Variants in MYO9A observed in about 807,000 individuals in gnomAD.
MYO9A encodes unconventional myosin-IXa.
Under a neutral mutation model 293.3 loss-of-function variants are expected in MYO9A, and 103 were observed. The ratio of observed to expected loss-of-function variants is 0.35; its 90% confidence interval spans 0.30 to 0.41. The LOEUF (loss-of-function observed/expected upper bound fraction) is 0.41. Ranked by LOEUF, MYO9A falls within the 10% of genes least tolerant of loss-of-function variation. The pLI is 1.00. For synonymous variants in MYO9A, 1,001 were observed against 1,035.7 expected, an observed-to-expected ratio of 0.97 and a Z score of 0.64; for missense variants, 2,685 against 3,033.0, an observed-to-expected ratio of 0.89 and a Z score of 2.69.
intron 1 of MYO9A, among the ~76,000 whole-genome samples, chr15:72,052,280 A>G (rs1054043354): frequency 6.6e-6 from 1 of 151,804 alleles, no homozygotes; most frequent in African/African-American, 2.4e-5. Flanking sequence ...ACAGCTGAAC[A>G]CTCATCAGGA....
intron 1 of MYO9A, among the ~76,000 whole-genome samples, chr15:72,085,734 C>T (rs2079698339): frequency 6.6e-6 from 1 of 152,208 alleles, no homozygotes; most frequent in Non-Finnish European, 1.5e-5. Context: ...TACGCTGGTT[C>T]TTTCTCAACT....
At chr15:71,963,707 C>A (rs1299677524) in intron 13 of MYO9A, among the ~76,000 whole-genome samples, 1 of 152,186 alleles carries the variant, frequency 6.6e-6, no homozygotes, top group Non-Finnish European at 1.5e-5. Context: ...CTGCCTTGGC[C>A]TCCCAAAGTG....
intron 12 of MYO9A, among the ~76,000 whole-genome samples, chr15:71,969,184 G>A (rs1374319141): frequency 6.6e-6 from 1 of 152,102 alleles, no homozygotes; most frequent in Non-Finnish European, 1.5e-5. Context: ...GCAACCGCAG[G>A]CATCCTCTAG....
intron 18 of MYO9A, among the ~76,000 whole-genome samples, chr15:71,931,107 C>A (rs965290074): frequency 6.6e-6 from 1 of 152,208 alleles, no homozygotes; most frequent in Admixed American, 6.5e-5. Context: ...TTGATTTACA[C>A]ACTGGCATCA....
intron 14 of MYO9A, among the ~76,000 whole-genome samples, chr15:71,952,752 G>A (rs999799591): frequency 6.6e-6 from 1 of 152,114 alleles, no homozygotes; most frequent in African/African-American, 2.4e-5. Context: ...TAATAATATA[G>A]AGGCAAATTA....
chr15:72,037,129 T>C (rs1336218081), intron 2 of MYO9A, among the ~76,000 whole-genome samples: 1 of 151,464 alleles, frequency 6.6e-6, no homozygotes, highest in South Asian at 2.1e-4. Context: ...TACTTGGAAA[T>C]CACTTGCTTA....
At chr15:72,006,256 T>TG (rs924988010) in intron 8 of MYO9A, among the ~76,000 whole-genome samples, 2 of 150,214 alleles carry the variant, frequency 1.3e-5, no homozygotes, top group African/African-American at 4.9e-5. Context: ...GTGTTTTTTT[T>TG]TTGTTGTTGT....
chr15:71,825,938 ACAAGATATCTGAGACACGCTC>A lies in MYO9A; in HGVS notation c.*621_*641del, dbSNP rs1364540616. On this transcript the variant is annotated 3_prime_UTR_variant, in exon 42 of 42. Coordinates refer to ENST00000356056, the MANE Select transcript of MYO9A (RefSeq NM_006901.4). ...TAGGTATTCTCTTCTTCACTGTATA[ACAAGATATCTGAGACACGCTC>A]TGATGGCTTAATGGAAACAATCACG... is the stretch of plus-strand genomic sequence containing the variant. 6.6e-6 allele frequency: 1 copy of A among 152,006 alleles called. No individual in the cohort carries two copies. Among genetic ancestry groups the A allele is most frequent in the Non-Finnish European group, 1.5e-5 (1 of 68,010 alleles). 9.4% of individuals were successfully genotyped at this position (152,006 alleles called of 1,614,324 possible).
At chr15:71,949,574 T>A (rs931257484) in intron 15 of MYO9A, among the ~76,000 whole-genome samples, 1 of 152,026 alleles carries the variant, frequency 6.6e-6, no homozygotes, top group Non-Finnish European at 1.5e-5. Context: ...GAAAATTTCC[T>A]CAGTTTTTCT....
chr15:72,007,312 G>C (rs545086763), intron 8 of MYO9A, among the ~76,000 whole-genome samples: 11 of 151,130 alleles, frequency 7.3e-5, no homozygotes, highest in Middle Eastern at 3.4e-3. Context: ...CAGGAAGAAA[G>C]AATCAGGTAA....
intron 3 of MYO9A, among the ~76,000 whole-genome samples, chr15:72,028,262 T>C (rs1218830190): frequency 6.8e-6 from 1 of 147,746 alleles, no homozygotes; most frequent in African/African-American, 2.5e-5. Context: ...TACATACTAT[T>C]ATAATTGTGG....
chr15:72,047,368 T>C (rs540143324), intron 1 of MYO9A, among the ~76,000 whole-genome samples: 54 of 152,216 alleles, frequency 3.5e-4, no homozygotes, highest in Non-Finnish European at 6.5e-4. Flanking sequence ...TACCATTATA[T>C]CTTTTTACCT....
rs757816919 is a variant in MYO9A at position 71,852,150 on chromosome 15, C to T, written c.6457G>A (p.Glu2153Lys). The change falls in exon 36 of 42, where the codon GAA becomes AAA. Residue 2153 changes from glutamate to lysine, a missense_variant. This residue lies in a region of MYO9A where 238 missense variants were observed against 269.1 expected (regional missense o/e 0.88). Transcript: ENST00000356056. ...TGCTTACCCATAGCTCGAAGAAATT[C>T]CTCATAGAGTTCAAAGGTCATGAGA... The part of the protein sequence containing the change: ...NPLMTFELYE[E>K]FLRAMGLQER... 3.7e-6 allele frequency: 6 copies of T among 1,612,292 alleles called. No individual in the cohort carries two copies. The South Asian group carries it at 6.6e-5, about 18-fold the overall frequency.
chr15:72,103,149 T>C (rs1445428967), intron 1 of MYO9A, among the ~76,000 whole-genome samples: 3 of 146,218 alleles, frequency 2.1e-5, no homozygotes, highest in South Asian at 4.5e-4. Context: ...TGAGCCAAGA[T>C]TGCGCCACTG....
rs551805466 is a variant in MYO9A, at chr15:72,092,753, A to G, written c.-72+24927T>C. ...TTATAGGCACTTAAGTTTGAATTTCATATGATTTTCATGTCACAAATTATT... is the reference window on the plus strand; with the variant it reads ...TTATAGGCACTTAAGTTTGAATTTCGTATGATTTTCATGTCACAAATTATT... On this transcript the variant is annotated intron_variant, in intron 1 of 41. Transcript: ENST00000356056. Among the ~76,000 whole-genome samples, 6 of 152,334 alleles carry G rather than the reference A, an allele frequency of 3.9e-5. No homozygotes were observed. In the East Asian group the frequency reaches 1.2e-3, roughly 29 times the overall value.
intron 24 of MYO9A, among the ~76,000 whole-genome samples, chr15:71,899,421 T>C (rs2057420281): frequency 6.6e-6 from 1 of 152,228 alleles, no homozygotes; most frequent in Non-Finnish European, 1.5e-5. Context: ...GCCAATTTTA[T>C]AAGATTCAGC....
At chr15:71,988,144 G>T (rs1761100364) in intron 11 of MYO9A, among the ~76,000 whole-genome samples, 1 of 152,162 alleles carries the variant, frequency 6.6e-6, no homozygotes, top group African/African-American at 2.4e-5. Context: ...GATCCACAGA[G>T]CAACTGATGT....
chr15:71,979,596 G>C (rs2076222833), intron 11 of MYO9A, among the ~76,000 whole-genome samples: 1 of 152,052 alleles, frequency 6.6e-6, no homozygotes, highest in Admixed American at 6.6e-5. Flanking sequence ...CATTTTGTTG[G>C]ATGTACCTGA....
chr15:71,847,113 T>A (rs1279946290), intron 39 of MYO9A, among the ~76,000 whole-genome samples: 1 of 152,218 alleles, frequency 6.6e-6, no homozygotes, highest in African/African-American at 2.4e-5. Flanking sequence ...CTTTTAACTT[T>A]CACCTTTTAA....
Sources: allele counts gnomAD v4.1 joint callset (sites outside exome capture counted in the v4.1 genomes callset), GRCh38; gene constraint gnomAD v4.1.1; regional missense constraint gnomAD v4.1.1; transcripts MANE v1.5; gene names NCBI Gene and HGNC (gene_info 2026-07-23, HGNC 2026-07-21).